Variants in FAM13A observed in about 807,000 individuals in gnomAD.
The protein encoded by FAM13A is family with sequence similarity 13 member A.
FAM13A carries 76 observed loss-of-function variants against 129.6 expected under a neutral mutation model. That is an observed-to-expected ratio of 0.59 (90% confidence interval 0.49 to 0.71). The LOEUF (loss-of-function observed/expected upper bound fraction) is 0.71. Among genes scored for constraint, FAM13A ranks in the 30% least tolerant of loss-of-function variants. The pLI, the probability that FAM13A is intolerant of heterozygous loss-of-function variation, is 0.00. For missense variants in FAM13A, 1,108 were observed against 1,249.3 expected (o/e 0.89, Z 1.70); for synonymous variants, 443 against 449.9 (o/e 0.98, Z 0.20).
chr4:88,944,443 T>C (rs1335806614), intron 4 of FAM13A, among the ~76,000 whole-genome samples: 1 of 152,216 alleles, frequency 6.6e-6, no homozygotes. Flanking sequence ...AATATCCTAT[T>C]TGAAAATGTG....
At chr4:88,842,904 GT>G (rs1736060162) in intron 7 of FAM13A, among the ~76,000 whole-genome samples, 1 of 152,178 alleles carries the variant, frequency 6.6e-6, no homozygotes, top group South Asian at 2.1e-4. Context: ...TTGTGAATGA[GT>G]AAAGAACAAT....
intron 6 of FAM13A, among the ~76,000 whole-genome samples, chr4:88,897,188 T>C (rs1289365411): frequency 6.6e-6 from 1 of 152,224 alleles, no homozygotes; most frequent in Non-Finnish European, 1.5e-5. Flanking sequence ...TTGTTCTACA[T>C]TCTATACCTC....
intron 3 of FAM13A, among the ~76,000 whole-genome samples, chr4:89,015,429 G>A (rs141635298): frequency 0.021 from 3,142 of 152,120 alleles, 53 homozygotes; most frequent in Non-Finnish European, 0.034. Context: ...TGTCTCCCCC[G>A]GACACCCAGC....
intron 3 of FAM13A, among the ~76,000 whole-genome samples, chr4:89,012,830 G>GT (rs1765912121): frequency 6.6e-6 from 1 of 151,826 alleles, no homozygotes. Flanking sequence ...ATCACTTGCT[G>GT]TTTACACAGG....
rs192570148 is a variant in FAM13A, at chr4:88,868,630, G to A, written c.844-17447C>T. Among the ~76,000 whole-genome samples the A allele has an allele frequency of 3.3e-5, 5 of 152,152 alleles. No homozygotes were observed. In the East Asian group the frequency reaches 5.8e-4, roughly 18 times the overall value. On this transcript the variant is annotated intron_variant, in intron 6 of 23. Coordinates refer to ENST00000264344, the MANE Select transcript of FAM13A (RefSeq NM_014883.4). ...ACATTAATGGCCCCAGACTATTTCC[G>A]CAGGTTCATTGCCTGCTGTTTTCCT...
At chr4:88,903,878 C>T (rs368609496) in intron 6 of FAM13A, among the ~76,000 whole-genome samples, 10 of 152,228 alleles carry the variant, frequency 6.6e-5, no homozygotes, top group African/African-American at 2.4e-4. Flanking sequence ...ACTTATCCAT[C>T]TGACAAAGGT....
At chr4:88,989,208 A>AAAACAAAC (rs139128222) in intron 4 of FAM13A, among the ~76,000 whole-genome samples, 4 of 150,904 alleles carry the variant, frequency 2.7e-5, no homozygotes, top group Admixed American at 2.6e-4. Context: ...ACTCTGTCTC[A>AAAACAAAC]AAACAAACAA....
At chr4:88,899,860 C>A (rs555458211) in intron 6 of FAM13A, among the ~76,000 whole-genome samples, 1 of 151,910 alleles carries the variant, frequency 6.6e-6, no homozygotes, top group Non-Finnish European at 1.5e-5. Context: ...ATGTTGTAAC[C>A]CACTGCAAAG....
intron 3 of FAM13A, among the ~76,000 whole-genome samples, chr4:89,003,260 A>G (rs1764513797): frequency 6.9e-6 from 1 of 145,400 alleles, no homozygotes; most frequent in Non-Finnish European, 1.5e-5. Context: ...TTAAGTTAAC[A>G]GTGGAGTTGT....
intron 8 of FAM13A, among the ~76,000 whole-genome samples, chr4:88,800,877 T>A (rs1727323592): frequency 6.6e-6 from 1 of 152,248 alleles, no homozygotes; most frequent in South Asian, 2.1e-4. Flanking sequence ...CTTAGTAGCC[T>A]AAAACAGGGT....
intron 6 of FAM13A, among the ~76,000 whole-genome samples, chr4:88,899,051 A>C (rs1464975660): frequency 6.6e-6 from 1 of 151,810 alleles, no homozygotes; most frequent in African/African-American, 2.4e-5. Flanking sequence ...TGAGTAAAGA[A>C]ACTGTGGTGT....
At chr4:88,853,424 G>C (rs1737954889) in intron 6 of FAM13A, among the ~76,000 whole-genome samples, 1 of 152,022 alleles carries the variant, frequency 6.6e-6, no homozygotes, top group African/African-American at 2.4e-5. Flanking sequence ...GCAAGAACAT[G>C]AAAGTAAAAA....
intron 1 of FAM13A, among the ~76,000 whole-genome samples, chr4:89,044,310 G>A (rs918798891): frequency 6.6e-6 from 1 of 152,060 alleles, no homozygotes. Context: ...TGGCTAATTA[G>A]CACATTAAAA....
intron 6 of FAM13A, among the ~76,000 whole-genome samples, chr4:88,873,501 T>C (rs1334602449): frequency 6.6e-6 from 1 of 152,160 alleles, no homozygotes; most frequent in Non-Finnish European, 1.5e-5. Context: ...CATCAGAGAA[T>C]ACTATAAATA....
chr4:88,858,230 A>G (rs376668632), intron 6 of FAM13A, among the ~76,000 whole-genome samples: 42 of 152,302 alleles, frequency 2.8e-4, no homozygotes, highest in African/African-American at 9.6e-4. Context: ...TGTACATGGT[A>G]GTAGGGTGAG....
At chr4:88,851,365 A>G (rs1737540218) in intron 6 of FAM13A, among the ~76,000 whole-genome samples, 182 bp from the exon 7 acceptor site, 1 of 152,202 alleles carries the variant, frequency 6.6e-6, no homozygotes, top group Non-Finnish European at 1.5e-5. Context: ...AGCAAAGGGC[A>G]CAGGGAAGGG....
intron 14 of FAM13A, among the ~76,000 whole-genome samples, chr4:88,755,904 C>T (rs550899837): frequency 1.8e-4 from 28 of 152,330 alleles, no homozygotes; most frequent in African/African-American, 6.0e-4. Flanking sequence ...CGGCTTCAGC[C>T]GGAGTCCCTT....
chr4:89,044,429 A>C (rs1770572336), intron 1 of FAM13A, among the ~76,000 whole-genome samples: 1 of 152,178 alleles, frequency 6.6e-6, no homozygotes, highest in Non-Finnish European at 1.5e-5. Context: ...AGAAAATAAC[A>C]AGTATTGGTT....
chr4:89,018,011 T>C (rs1226619416), intron 3 of FAM13A, among the ~76,000 whole-genome samples: 2 of 152,138 alleles, frequency 1.3e-5, no homozygotes, highest in Non-Finnish European at 2.9e-5. Flanking sequence ...AAAAATAAAA[T>C]CATTTTTTTC....
Sources: gnomAD v4.1 joint callset for allele counts (sites outside exome capture counted in the v4.1 genomes callset) on GRCh38, gnomAD v4.1.1 for gene constraint, MANE v1.5 for transcripts, NCBI Gene and HGNC (gene_info 2026-07-23, HGNC 2026-07-21) for gene names.